Variants in ABCB1 observed in about 807,000 individuals in gnomAD.
ABCB1 encodes the protein ATP-dependent translocase ABCB1.
ABCB1 carries 69 observed loss-of-function variants against 142.0 expected under a neutral mutation model. The observed-to-expected ratio is 0.49, with a 90% confidence interval of 0.40 to 0.59. The LOEUF (loss-of-function observed/expected upper bound fraction) is 0.59. ABCB1 is among the 20% of genes least tolerant of loss of function. ABCB1 has a pLI of 0.00. For synonymous variants in ABCB1, 532 were observed against 539.2 expected (o/e 0.99, Z 0.18); for missense variants, 1,326 against 1,554.7 (o/e 0.85, Z 2.47).
chr7:87,685,913 G>C (rs1339721316), intron 1 of ABCB1, among the ~76,000 whole-genome samples: 2 of 152,244 alleles, frequency 1.3e-5, no homozygotes, highest in African/African-American at 4.8e-5. Flanking sequence ...CTAACTCCTT[G>C]ATCCTCACTT....
intron 7 of ABCB1, among the ~76,000 whole-genome samples, chr7:87,562,085 G>T (rs1817582453): frequency 6.6e-6 from 1 of 152,164 alleles, no homozygotes; most frequent in South Asian, 2.1e-4. Flanking sequence ...GGCACTTGTG[G>T]ACTCATTTAT....
chr7:87,690,209 T>A (rs760384196), intron 1 of ABCB1, among the ~76,000 whole-genome samples: 2 of 152,094 alleles, frequency 1.3e-5, no homozygotes, highest in Non-Finnish European at 2.9e-5. Context: ...TTTTTATTAC[T>A]CTTATTATCC....
chr7:87,641,277 A>G (rs1219247788), intron 1 of ABCB1, among the ~76,000 whole-genome samples: 1 of 152,228 alleles, frequency 6.6e-6, no homozygotes, highest in Non-Finnish European at 1.5e-5. Context: ...TTAGAAAGAT[A>G]TCGCCAACAG....
chr7:87,522,070 G>T, intron 21 of ABCB1: 1 of 1,135,958 alleles, frequency 8.8e-7, no homozygotes. Flanking sequence ...GAACTTTGGT[G>T]GTGGTCGTGG....
intron 1 of ABCB1, among the ~76,000 whole-genome samples, chr7:87,689,242 A>G (rs1380670465): frequency 2.0e-5 from 3 of 152,066 alleles, no homozygotes; most frequent in East Asian, 3.8e-4. Flanking sequence ...AATTAATCCA[A>G]TTTCATGTCT....
chr7:87,535,396 G>A lies in ABCB1; in HGVS notation c.2481+1062C>T, dbSNP rs548477383. On this transcript the variant is annotated intron_variant, in intron 20 of 27. Transcript: ENST00000622132. ...GTCACCCAGGCTGGAGTGCAGTGGT[G>A]CAATCTCAGCTCTGCAACCTCCACC... is the stretch of plus-strand genomic sequence containing the variant. 1.2e-3 allele frequency among the ~76,000 whole-genome samples: 183 copies of A among 150,430 alleles called. 3 individuals are homozygous for A. The highest frequency in any genetic ancestry group is 4.3e-3 in the African/African-American group (177 of 40,884).
intron 7 of ABCB1, 129 bp from the exon 8 acceptor site, chr7:87,561,516 C>T (rs1276533089): frequency 2.1e-6 from 2 of 950,236 alleles, no homozygotes; most frequent in Non-Finnish European, 3.1e-6. Context: ...CTGTCTTTTA[C>T]TTGCCTTTGG....
chr7:87,693,465 T>A (rs905920180), intron 1 of ABCB1, among the ~76,000 whole-genome samples: 8 of 152,218 alleles, frequency 5.3e-5, no homozygotes, highest in Non-Finnish European at 1.2e-4. Context: ...ATTTTTAAAC[T>A]TGGAAATTTT....
chr7:87,567,252 C>T lies in ABCB1; in HGVS notation c.339-276G>A, dbSNP rs1368229642. 6.6e-6 allele frequency among the ~76,000 whole-genome samples: 1 copy of T among 152,210 alleles called. No individual in the cohort carries two copies. Among genetic ancestry groups the T allele is most frequent in the African/African-American group, 2.4e-5 (1 of 41,450 alleles). ...AGGCAAGCTGCTTAACTTTTCTAAG[C>T]CTCAGTTTTCTAATTAGTAAAACAG... On this transcript the variant is annotated intron_variant, in intron 5 of 27. Transcript: ENST00000622132.
intron 1 of ABCB1, among the ~76,000 whole-genome samples, chr7:87,634,661 C>T (rs1821584548): frequency 6.6e-6 from 1 of 151,856 alleles, no homozygotes; most frequent in Non-Finnish European, 1.5e-5. Context: ...ACTTTAAATC[C>T]AGTGATTTAC....
intron 22 of ABCB1, among the ~76,000 whole-genome samples, 160 bp from the exon 23 acceptor site, chr7:87,519,626 T>C (rs763031522): frequency 1.3e-5 from 2 of 152,224 alleles, no homozygotes; most frequent in Non-Finnish European, 2.9e-5. Context: ...TTAACAGTTG[T>C]GCAAATTTGG....
At position 87,550,515 on chromosome 7, in the gene ABCB1, C is replaced by A; in HGVS notation, c.1177G>T (p.Glu393Ter). The A allele has an allele frequency of 6.2e-7, 1 of 1,613,482 alleles. No individual in the cohort carries two copies. The highest frequency in any genetic ancestry group is 2.2e-5 in the East Asian group (1 of 44,866). The change falls in exon 11 of 28, where the codon GAA (glutamate) becomes TAA (stop). Residue 393 changes from glutamate to a stop codon, truncating the protein, a stop_gained. Coordinates refer to ENST00000622132, the MANE Select transcript of ABCB1 (RefSeq NM_001348946.2). LOFTEE classifies it high-confidence loss of function. ...HKPDNIKGNL[E>*]FRNVHFSYPS... is the part of the protein sequence containing the mutation. ...TAACTGAAGTGAACATTTCTGAATT[C>A]CAAATTTCCCTTAATATTATCTGGT...
chr7:87,554,918 G>A (rs780414889), intron 8 of ABCB1, among the ~76,000 whole-genome samples: 3 of 152,118 alleles, frequency 2.0e-5, no homozygotes, highest in Non-Finnish European at 2.9e-5. Flanking sequence ...GGGCAAAAAT[G>A]AGCAAATGAA....
chr7:87,591,864 T>A (rs1281829249), intron 3 of ABCB1, among the ~76,000 whole-genome samples: 1 of 152,166 alleles, frequency 6.6e-6, no homozygotes, highest in Non-Finnish European at 1.5e-5. Context: ...CTCTGACTCC[T>A]GTGATAAGGG....
intron 1 of ABCB1, among the ~76,000 whole-genome samples, chr7:87,665,902 A>G (rs534518798): frequency 6.6e-6 from 1 of 152,108 alleles, no homozygotes; most frequent in Admixed American, 6.6e-5. Context: ...ATAGTACTCC[A>G]TGGCATATAT....
intron 1 of ABCB1, among the ~76,000 whole-genome samples, chr7:87,707,830 T>C (rs1829745195): frequency 6.6e-6 from 1 of 152,168 alleles, no homozygotes; most frequent in South Asian, 2.1e-4. Context: ...GTAAAGTATG[T>C]TCTCTAACCA....
chr7:87,544,202 AC>A lies in ABCB1; in HGVS notation c.2137del (p.Val713LeufsTer8), dbSNP rs1474650552. 6.2e-7 allele frequency: 1 copy of A among 1,613,842 alleles called. No homozygotes were observed. The highest frequency in any genetic ancestry group is 8.5e-7 in the Non-Finnish European group (1 of 1,179,926). On this transcript the variant is annotated frameshift_variant, in exon 17 of 28. Coordinates refer to ENST00000622132, the MANE Select transcript of ABCB1 (RefSeq NM_001348946.2). LOFTEE classifies it high-confidence loss of function. ...LNLTEWPYFV[V>X]GVFCAIINGG... ...ATTTATAATGGCACAAAATACACCA[AC>A]AACAAAATAAGGCCATTCAGTTAAA...
At chr7:87,591,843 G>T (rs1819012054) in intron 3 of ABCB1, among the ~76,000 whole-genome samples, 1 of 152,162 alleles carries the variant, frequency 6.6e-6, no homozygotes, top group South Asian at 2.1e-4. Context: ...CTATAGGAAT[G>T]TCCACATCAT....
intron 1 of ABCB1, among the ~76,000 whole-genome samples, chr7:87,626,681 A>G (rs568064279): frequency 2.9e-5 from 1 of 34,790 alleles, no homozygotes; most frequent in Non-Finnish European, 4.8e-5. Flanking sequence ...TGTGTCATAT[A>G]TATGTGTCAT....
Sources: gnomAD v4.1 joint callset for allele counts (sites outside exome capture counted in the v4.1 genomes callset) on GRCh38, gnomAD v4.1.1 for gene constraint, MANE v1.5 for transcripts, NCBI Gene and HGNC (gene_info 2026-07-23, HGNC 2026-07-21) for gene names.